Variants in RPN1 observed in about 807,000 individuals in gnomAD.
RPN1 encodes ribophorin I.
RPN1 carries 12 observed loss-of-function variants against 55.5 expected under a neutral mutation model. The ratio of observed to expected loss-of-function variants is 0.22; its 90% confidence interval spans 0.14 to 0.35. RPN1 has a LOEUF of 0.35. Among genes scored for constraint, RPN1 ranks in the 10% least tolerant of loss-of-function variants. The probability of loss-of-function intolerance (pLI) is 1.00; values close to 1 mark genes in which losing one functional copy is unlikely to be tolerated. For synonymous variants in RPN1, 317 were observed against 305.9 expected, an observed-to-expected ratio of 1.04 and a Z score of -0.38; for missense variants, 679 against 761.3, an observed-to-expected ratio of 0.89 and a Z score of 1.27.
intron 3 of RPN1, among the ~76,000 whole-genome samples, chr3:128,634,895 A>G (rs77071384): frequency 0.011 from 1,703 of 152,186 alleles, 31 homozygotes; most frequent in African/African-American, 0.038. Context: ...AAATGGAGGA[A>G]AGTGGAAAAC....
chr3:128,642,547 T>A (rs2069733906), intron 2 of RPN1: 1 of 151,842 alleles, frequency 6.6e-6, no homozygotes, highest in African/African-American at 2.4e-5. Flanking sequence ...TACAAAAAAA[T>A]TAGCTGGGCG....
rs778845324 is a variant in RPN1 at position 128,625,994 on chromosome 3, A to G, written c.1155T>C (p.Ser385=). 6.2e-7 allele frequency: 1 copy of G among 1,605,436 alleles called. No individual in the cohort carries two copies. The highest frequency in any genetic ancestry group is 1.1e-5 in the South Asian group (1 of 89,678). Residue 385 remains serine, a synonymous_variant, in exon 7 of 10, where the codon AGT becomes AGC. Coordinates refer to ENST00000296255, the MANE Select transcript of RPN1 (RefSeq NM_002950.4). ...PEGAKNIEID[S]PYEISRAPDE... is the part of the protein sequence containing the mutation. ...CTGGGGCACGGCTGATTTCATAGGG[A>G]CTATCAATTTCAATGTTCCTGGAAG... is the stretch of plus-strand genomic sequence containing the variant.
Position 128,625,727 on chromosome 3 carries a change from A to C in RPN1, c.1276-74T>G, listed in dbSNP as rs564430932. 8.7e-4 allele frequency: 1,393 copies of C among 1,600,820 alleles called. 2 individuals are homozygous for C. The highest frequency in any genetic ancestry group is 1.1e-3 in the Non-Finnish European group (1,322 of 1,171,128). ...AGCCTAGACTCACCCAGGCTGGCCC[A>C]CTCGACCTGCTGCCCCACCCCAAGA... On this transcript the variant is annotated intron_variant, in intron 7 of 9. Transcript: ENST00000296255.
intron 1 of RPN1, 146 bp from the exon 2 acceptor site, chr3:128,645,129 A>AT (rs948326061): frequency 3.2e-4 from 193 of 606,366 alleles, no homozygotes; most frequent in Admixed American, 4.9e-4. Context: ...TTCAGTAACA[A>AT]TTTTTTTTTC....
chr3:128,630,263 C>T, intron 4 of RPN1, 120 bp from the exon 5 acceptor site: 1 of 572,862 alleles, frequency 1.7e-6, no homozygotes, highest in African/African-American at 1.9e-5. Context: ...TTAAAATAGT[C>T]CCCAAACATA....
intron 5 of RPN1, among the ~76,000 whole-genome samples, chr3:128,629,637 T>C (rs1330828650): frequency 6.6e-6 from 1 of 152,198 alleles, no homozygotes; most frequent in Non-Finnish European, 1.5e-5. Context: ...TATAAAAGTG[T>C]TTTTTATTAT....
In RPN1 at chr3:128,622,428, C is replaced by T; in HGVS notation, c.1396-19G>A. 1 of 1,613,426 alleles carries T rather than the reference C, an allele frequency of 6.2e-7. No homozygotes were observed. The highest frequency in any genetic ancestry group is 8.5e-7 in the Non-Finnish European group (1 of 1,179,628). On this transcript the variant is annotated intron_variant, in intron 8 of 9. Transcript: ENST00000296255. ...CTGGATCCTGAAGGAAGGAGAGGCA[C>T]CATGTGTGACAACATCCAGGCTTGG...
chr3:128,637,707 AC>A, intron 3 of RPN1, 91 bp downstream of exon 3: 2 of 1,335,488 alleles, frequency 1.5e-6, no homozygotes, highest in Non-Finnish European at 2.1e-6. Context: ...GATTTCATCC[AC>A]CCCACACCAC....
intron 2 of RPN1, among the ~76,000 whole-genome samples, chr3:128,641,485 CTT>C (rs2069724541): frequency 6.6e-6 from 1 of 151,966 alleles, no homozygotes; most frequent in Admixed American, 6.6e-5. Context: ...CCCTCCGTAT[CTT>C]TACAGATATC....
chr3:128,630,128 C>T lies in RPN1; in HGVS notation c.859G>A (p.Ala287Thr). The part of the protein sequence containing the change: ...IRSFKTILPA[A>T]AQDVYYRDEI... ...TCCCGGTAATAAACATCCTGGGCAG[C>T]AGCAGGAAGGATGGTCTGCAAGAGA... The change falls in exon 5 of 10, where the codon GCT becomes ACT. Residue 287 changes from alanine to threonine, a missense_variant. By Grantham distance (58) the Ala-to-Thr change is moderately conservative. Coordinates refer to ENST00000296255, the MANE Select transcript of RPN1 (RefSeq NM_002950.4). The T allele has an allele frequency of 6.2e-7, 1 of 1,612,544 alleles. No homozygotes were observed. Among genetic ancestry groups the T allele is most frequent in the Non-Finnish European group, 8.5e-7 (1 of 1,178,958 alleles).
chr3:128,637,993 T>C lies in RPN1; in HGVS notation c.439A>G (p.Thr147Ala). 1.2e-6 allele frequency: 2 copies of C among 1,614,124 alleles called. No individual in the cohort carries two copies. The highest frequency in any genetic ancestry group is 1.1e-5 in the South Asian group (1 of 91,082). Residue 147 changes from threonine to alanine, a missense_variant, in exon 3 of 10, where the codon ACC (threonine) becomes GCC (alanine). Thr to Ala is a moderately conservative substitution (Grantham distance 58). This residue lies in a region of RPN1 where 352 missense variants were observed against 352.8 expected (regional missense o/e 1.00). Coordinates refer to ENST00000296255, the MANE Select transcript of RPN1 (RefSeq NM_002950.4). ...ACCACAAACTGTTTCTCTGACTGGG[T>C]GATCTGGGTTGGATACGGATGAAGC... Reference protein sequence around the residue: ...HVLHPYPTQITQSEKQFVVFE... With the variant: ...HVLHPYPTQIAQSEKQFVVFE...
intron 8 of RPN1, among the ~76,000 whole-genome samples, chr3:128,624,940 C>G (rs1310499130): frequency 6.6e-6 from 1 of 152,158 alleles, no homozygotes; most frequent in Non-Finnish European, 1.5e-5. Context: ...ACAATAAGTG[C>G]CTGGTACTAG....
At chr3:128,624,169 T>G (rs762318096) in intron 8 of RPN1, among the ~76,000 whole-genome samples, 8 of 152,200 alleles carry the variant, frequency 5.3e-5, no homozygotes, top group Non-Finnish European at 1.2e-4. Context: ...TATTGAGTAC[T>G]GTATTTCCTA....
chr3:128,635,700 C>T (rs1188488463), intron 3 of RPN1, among the ~76,000 whole-genome samples: 25 of 147,228 alleles, frequency 1.7e-4, no homozygotes, highest in Non-Finnish European at 3.0e-4. Context: ...TACACACACA[C>T]ACACACACAC....
intron 3 of RPN1, among the ~76,000 whole-genome samples, chr3:128,635,647 A>C (rs1197371727): frequency 0.01 from 274 of 26,904 alleles, 3 homozygotes; most frequent in South Asian, 0.026. Context: ...ATAGATATAT[A>C]TATATATATA....
intron 2 of RPN1, among the ~76,000 whole-genome samples, chr3:128,641,347 C>G (rs2069723409): frequency 6.6e-6 from 1 of 152,030 alleles, no homozygotes; most frequent in African/African-American, 2.4e-5. Context: ...AAGGATAAAG[C>G]CCACGCCTTT....
intron 5 of RPN1, among the ~76,000 whole-genome samples, chr3:128,628,107 A>G (rs2069613566): frequency 6.6e-6 from 1 of 151,996 alleles, no homozygotes; most frequent in South Asian, 2.1e-4. Flanking sequence ...AAAATAAAAA[A>G]TTAGCTGGGC....
At chr3:128,643,324 T>G (rs538765162) in intron 2 of RPN1, among the ~76,000 whole-genome samples, 6 of 138,268 alleles carry the variant, frequency 4.3e-5, no homozygotes, top group Non-Finnish European at 9.2e-5. Flanking sequence ...CAAGACTCCA[T>G]CTCCAAAAAA....
rs142325877 is a variant in RPN1 at position 128,630,472 on chromosome 3, G to A, written c.844-329C>T. On this transcript the variant is annotated intron_variant, in intron 4 of 9. Coordinates refer to ENST00000296255, the MANE Select transcript of RPN1 (RefSeq NM_002950.4). ...GAGAAGAAAAGTAAAGATAGAAGAC[G>A]GAAGAAATTTCATCAAATTACTAGG... 4.7e-3 allele frequency among the ~76,000 whole-genome samples: 719 copies of A among 152,162 alleles called. 11 individuals carry two copies. Among genetic ancestry groups the A allele is most frequent in the African/African-American group, 0.016 (673 of 41,506 alleles).
Sources: allele counts gnomAD v4.1 joint callset (sites outside exome capture counted in the v4.1 genomes callset), GRCh38; gene constraint gnomAD v4.1.1; regional missense constraint gnomAD v4.1.1; transcripts MANE v1.5; gene names NCBI Gene and HGNC (gene_info 2026-07-23, HGNC 2026-07-21).